Variants in PQBP1 observed in about 807,000 individuals in gnomAD.
PQBP1 encodes polyglutamine-binding protein 1.
A neutral mutation model predicts 20.9 loss-of-function variants in PQBP1; 3 were observed. That is an observed-to-expected ratio of 0.14 (90% CI 0.07 to 0.37). PQBP1 has a LOEUF of 0.37. Among genes scored for constraint, PQBP1 ranks in the 10% least tolerant of loss-of-function variants. PQBP1 has a pLI of 1.00. For missense variants in PQBP1, 162 were observed against 240.3 expected, an observed-to-expected ratio of 0.67 and a Z score of 2.16; for synonymous variants, 83 against 93.8, an observed-to-expected ratio of 0.88 and a Z score of 0.67.
At chrX:48,899,307 T>G (rs1197943550) in intron 2 of PQBP1, among the ~76,000 whole-genome samples, 2 of 112,148 alleles carry the variant, frequency 1.8e-5, no homozygotes, top group Non-Finnish European at 3.8e-5. Context: ...CAATACTGAC[T>G]GGCTGGGCGT....
intron 1 of PQBP1, 137 bp downstream of exon 1, chrX:48,898,219 C>CG (rs1557040133): frequency 1.0e-6 from 1 of 972,026 alleles, no homozygotes; most frequent in Non-Finnish European, 1.4e-6. Context: ...GCGGAGGGGC[C>CG]GGGCTTCTTA....
chrX:48,902,125 G>T, intron 4 of PQBP1, 83 bp downstream of exon 4: 2 of 1,208,914 alleles, frequency 1.7e-6, no homozygotes, highest in South Asian at 3.5e-5. Flanking sequence ...TGGATCAGAG[G>T]GGCAGGTGAG....
chrX:48,902,324 C>A lies in PQBP1; in HGVS notation c.384C>A (p.His128Gln), dbSNP rs782819795. ...GCCATGAGAAACTAGACAGGGGCCA[C>A]GACAAGTCAGACCGGGGCCACGACA... ...DRSHEKLDRG[H>Q]DKSDRGHDKS... The change falls in exon 5 of 7, where the codon CAC (histidine) becomes CAA (glutamine). Residue 128 changes from histidine (H) to glutamine (Q), a missense_variant. His to Gln is a conservative substitution (Grantham distance 24, BLOSUM62 0). Transcript: ENST00000447146. The A allele has an allele frequency of 5.8e-6, 7 of 1,210,599 alleles. No individual in the cohort carries two copies. The highest frequency in any genetic ancestry group is 7.8e-6 in the Non-Finnish European group (7 of 895,121).
chrX:48,901,017 TAG>T (rs1294638021), intron 2 of PQBP1, among the ~76,000 whole-genome samples, 171 bp from the exon 3 acceptor site: 1 of 111,855 alleles, frequency 8.9e-6, no homozygotes, highest in Non-Finnish European at 1.9e-5. Flanking sequence ...CCTCCTAATA[TAG>T]AGAGTTGGAT....
intron 2 of PQBP1, 109 bp downstream of exon 2, chrX:48,898,685 A>G: frequency 1.0e-5 from 8 of 765,282 alleles, no homozygotes; most frequent in Non-Finnish European, 1.5e-5. Flanking sequence ...GCACCAAGCA[A>G]TGGGGTGGCA....
In PQBP1 at chrX:48,903,125, C is replaced by G; in HGVS notation, c.*41C>G. On this transcript the variant is annotated 3_prime_UTR_variant, in exon 7 of 7. Coordinates refer to ENST00000447146, the MANE Select transcript of PQBP1 (RefSeq NM_001032382.2). Reference sequence around the variant, plus strand: ...GGCCCTGGGTTAAAATAAAAGCTTTCTGGTGATCCTGCCCACCATACCTGA... The same window carrying G: ...GGCCCTGGGTTAAAATAAAAGCTTTGTGGTGATCCTGCCCACCATACCTGA... 1 of 1,182,120 alleles carries G rather than the reference C, an allele frequency of 8.5e-7. No homozygotes were observed. The highest frequency in any genetic ancestry group is 1.1e-6 in the Non-Finnish European group (1 of 880,206).
rs1557040017 is a variant in PQBP1 at position 48,897,950 on chromosome X, G to A, written c.-151G>A. Reference sequence around the variant, plus strand: ...TAGTCCAGTTACTTTCAGGCTCGGGGAGTGAAGGCCTCGTTGAGAGAAGGT... The same window carrying A: ...TAGTCCAGTTACTTTCAGGCTCGGGAAGTGAAGGCCTCGTTGAGAGAAGGT... On this transcript the variant is annotated 5_prime_UTR_variant, in exon 1 of 7. Transcript: ENST00000447146. 1.1e-6 allele frequency: 1 copy of A among 870,704 alleles called. No individual in the cohort carries two copies. The highest frequency in any genetic ancestry group is 2.0e-5 in the African/African-American group (1 of 49,299). 71.8% of individuals were successfully genotyped at this position (870,704 alleles called of 1,213,427 possible). A position where few individuals can be genotyped will look rare whatever the true frequency, so the allele number is the denominator to read the frequency against.
chrX:48,902,313 G>A lies in PQBP1; in HGVS notation c.373G>A (p.Asp125Asn). 1 of 1,211,500 alleles carries A rather than the reference G, an allele frequency of 8.3e-7. No homozygotes were observed. The highest frequency in any genetic ancestry group is 1.1e-6 in the Non-Finnish European group (1 of 895,412). ...DKSDRSHEKL[D>N]RGHDKSDRGH... ...GTCGGACCGCAGCCATGAGAAACTA[G>A]ACAGGGGCCACGACAAGTCAGACCG... The change falls in exon 5 of 7, where the codon GAC becomes AAC. Residue 125 changes from aspartate to asparagine, a missense_variant. By Grantham distance (23) the Asp-to-Asn change is conservative. Coordinates refer to ENST00000447146, the MANE Select transcript of PQBP1 (RefSeq NM_001032382.2).
In PQBP1 at chrX:48,901,007, C is replaced by A. The variant is rs782785284; in HGVS notation, c.68-183C>A. ...GATTTAGGTAACCTTTTTTTGTAAA[C>A]CTCCTAATATAGAGAGTTGGATTTG... On this transcript the variant is annotated intron_variant, in intron 2 of 6. Coordinates refer to ENST00000447146, the MANE Select transcript of PQBP1 (RefSeq NM_001032382.2). 1.5e-3 allele frequency among the ~76,000 whole-genome samples: 164 copies of A among 111,737 alleles called. 2 individuals are homozygous for A. The highest frequency in any genetic ancestry group is 6.6e-4 in the Admixed American group (7 of 10,528).
intron 3 of PQBP1, 90 bp from the exon 4 acceptor site, chrX:48,901,840 G>C: frequency 2.6e-6 from 3 of 1,176,118 alleles, no homozygotes; most frequent in Non-Finnish European, 3.4e-6. Flanking sequence ...TCCTGACATG[G>C]GGCAGGTATA....
chrX:48,899,299 A>G (rs1253483261), intron 2 of PQBP1, among the ~76,000 whole-genome samples: 4 of 112,002 alleles, frequency 3.6e-5, no homozygotes, highest in Admixed American at 9.5e-5. Context: ...ATTCTTAACA[A>G]TACTGACTGG....
chrX:48,899,632 A>G (rs1557040555), intron 2 of PQBP1, among the ~76,000 whole-genome samples: 1 of 110,766 alleles, frequency 9.0e-6, no homozygotes, highest in Non-Finnish European at 1.9e-5. Flanking sequence ...CTGACCACCT[A>G]ATGCCTATTT....
At chrX:48,902,589 C>A in intron 5 of PQBP1, 72 bp downstream of exon 5, 1 of 1,169,250 alleles carries the variant, frequency 8.6e-7, no homozygotes, top group Admixed American at 2.6e-5. Context: ...AGCCTTCCCT[C>A]AAAAAGATGC....
Position 48,902,045 on chromosome X carries a change from G to A in PQBP1, c.292+3G>A. Reference sequence around the variant, plus strand: ...GAAGCTCAGAAGCAGTAATGCAGGTGAGTTGGCAGGTACAAGCGTGCCTTG... The same window carrying A: ...GAAGCTCAGAAGCAGTAATGCAGGTAAGTTGGCAGGTACAAGCGTGCCTTG... On this transcript the variant is annotated splice_donor_region_variant and intron_variant, in intron 4 of 6. Coordinates refer to ENST00000447146, the MANE Select transcript of PQBP1 (RefSeq NM_001032382.2). 5 of 1,211,657 alleles carry A rather than the reference G, an allele frequency of 4.1e-6. No homozygotes were observed. Among genetic ancestry groups the A allele is most frequent in the Non-Finnish European group, 5.6e-6 (5 of 895,523 alleles).
chrX:48,902,490 C>T lies in PQBP1; in HGVS notation c.550C>T (p.Leu184=). Residue 184 remains leucine (L), a synonymous_variant, in exon 5 of 7, where the codon CTG becomes TTG. Coordinates refer to ENST00000447146, the MANE Select transcript of PQBP1 (RefSeq NM_001032382.2). ...KERRHHRREE[L]APYPKSKKAV... ...ACGGCGCCACCATCGCCGGGAGGAG[C>T]TGGCTCCCTATCCCAAGAGCAAGAA... 1 of 1,205,929 alleles carries T rather than the reference C, an allele frequency of 8.3e-7. No homozygotes were observed. The highest frequency in any genetic ancestry group is 2.2e-5 in the Admixed American group (1 of 45,128).
At chrX:48,901,373 G>T (rs981581152) in intron 3 of PQBP1, 72 bp downstream of exon 3, 11 of 1,164,155 alleles carry the variant, frequency 9.4e-6, no homozygotes, top group Non-Finnish European at 1.1e-5. Flanking sequence ...TGAGGTTTAG[G>T]GGGACACAAG....
rs377193805 is a variant in PQBP1 at position 48,902,072 on chromosome X, G to A, written c.292+30G>A. 1.1e-5 allele frequency: 13 copies of A among 1,209,245 alleles called. No individual in the cohort carries two copies. In the African/African-American group the frequency reaches 1.8e-4, roughly 16 times the overall value. The stretch of plus-strand genomic sequence containing the variant: ...GTTGGCAGGTACAAGCGTGCCTTGA[G>A]TGATCTTAGCAGTTCTCACGGAGAG... On this transcript the variant is annotated intron_variant, in intron 4 of 6. Transcript: ENST00000447146.
intron 2 of PQBP1, among the ~76,000 whole-genome samples, chrX:48,900,456 G>A (rs2063391878): frequency 9.5e-6 from 1 of 105,596 alleles, no homozygotes; most frequent in African/African-American, 3.4e-5. Context: ...ACTGTGCCTG[G>A]CTAATTTTTG....
intron 1 of PQBP1, 21 bp downstream of exon 1, chrX:48,898,103 C>G (rs1437629705): frequency 9.8e-7 from 1 of 1,017,083 alleles, no homozygotes; most frequent in African/African-American, 2.0e-5. Context: ...GGTGGGTGCA[C>G]TCTTTTGGAG....
Sources: allele counts gnomAD v4.1 joint callset (sites outside exome capture counted in the v4.1 genomes callset), GRCh38; gene constraint gnomAD v4.1.1; transcripts MANE v1.5; gene names NCBI Gene and HGNC (gene_info 2026-07-23, HGNC 2026-07-21).